The following AOPEP variants were observed in gnomAD, a reference collection of about 807,000 sequenced individuals.
The protein encoded by AOPEP is aminopeptidase O (putative).
In AOPEP, 77 loss-of-function variants were observed where a neutral mutation model predicts 98.1. The ratio of observed to expected loss-of-function variants is 0.78; its 90% CI spans 0.65 to 0.95. AOPEP has a LOEUF of 0.95. Ranked by LOEUF, AOPEP falls within the 40% of genes least tolerant of loss-of-function variation. The pLI, the probability that AOPEP is intolerant of heterozygous loss-of-function variation, is 0.00. For missense variants in AOPEP, 1,024 were observed against 1,024.7 expected, an observed-to-expected ratio of 1.00 and a Z score of 0.01; for synonymous variants, 346 against 365.3, an observed-to-expected ratio of 0.95 and a Z score of 0.60.
At chr9:95,021,036 T>TA (rs1327260216) in intron 13 of AOPEP, among the ~76,000 whole-genome samples, 1 of 151,932 alleles carries the variant, frequency 6.6e-6, no homozygotes, top group Admixed American at 6.6e-5. Flanking sequence ...TATTTGTAAA[T>TA]ATATATGTTA....
At chr9:94,892,299 A>G (rs991148924) in intron 5 of AOPEP, among the ~76,000 whole-genome samples, 5 of 152,030 alleles carry the variant, frequency 3.3e-5, no homozygotes, top group African/African-American at 1.2e-4. Flanking sequence ...ATGAATTTAG[A>G]TCTTTTATTA....
chr9:95,081,812 A>G lies in AOPEP; in HGVS notation c.2320-763A>G, dbSNP rs534497735. Among the ~76,000 whole-genome samples the G allele has an allele frequency of 3.9e-5, 6 of 152,198 alleles. No homozygotes were observed. In the East Asian group the frequency reaches 1.2e-3, roughly 29 times the overall value. ...AGCACTTTTGAACCCTTAACTACGAAGTTTTGCTCTTGCGATGTCTTTGAG... is the reference window on the plus strand; with the variant it reads ...AGCACTTTTGAACCCTTAACTACGAGGTTTTGCTCTTGCGATGTCTTTGAG... On this transcript the variant is annotated intron_variant, in intron 15 of 16. Coordinates refer to ENST00000375315, the MANE Select transcript of AOPEP (RefSeq NM_001193329.3).
intron 10 of AOPEP, among the ~76,000 whole-genome samples, chr9:94,973,877 A>G (rs2059679899): frequency 6.6e-6 from 1 of 152,246 alleles, no homozygotes; most frequent in Admixed American, 6.5e-5. Context: ...TTTAAGCCAC[A>G]TGACCTCAGA....
chr9:94,764,334 G>A (rs1431784241), intron 2 of AOPEP, among the ~76,000 whole-genome samples: 2 of 152,148 alleles, frequency 1.3e-5, no homozygotes, highest in Non-Finnish European at 2.9e-5. Context: ...AGCCTGAGGA[G>A]ACATGATGAT....
chr9:95,071,465 T>C (rs1477484877), intron 14 of AOPEP, among the ~76,000 whole-genome samples: 2 of 152,160 alleles, frequency 1.3e-5, no homozygotes, highest in Non-Finnish European at 2.9e-5. Context: ...TGTATAGTCA[T>C]CTGCTTATAA....
chr9:94,842,890 A>G lies in AOPEP; in HGVS notation c.1364+41888A>G, dbSNP rs140262134. Among the ~76,000 whole-genome samples the G allele has an allele frequency of 3.2e-3, 488 of 152,272 alleles. 2 individuals are homozygous for G. The highest frequency in any genetic ancestry group is 6.8e-3 in the Middle Eastern group (2 of 294). ...ATCATTCAAATTATTCTTCCCTTAT[A>G]AGTAGTAGAAGGATTTCTGTGACTG... On this transcript the variant is annotated intron_variant, in intron 5 of 16. Coordinates refer to ENST00000375315, the MANE Select transcript of AOPEP (RefSeq NM_001193329.3).
At chr9:94,770,041 T>C (rs1378732861) in intron 2 of AOPEP, among the ~76,000 whole-genome samples, 1 of 152,222 alleles carries the variant, frequency 6.6e-6, no homozygotes, top group Admixed American at 6.5e-5. Flanking sequence ...CAAATCATCA[T>C]TTTCACATTT....
intron 9 of AOPEP, among the ~76,000 whole-genome samples, chr9:94,964,033 G>A (rs1201623505): frequency 1.3e-5 from 2 of 152,202 alleles, no homozygotes; most frequent in East Asian, 1.9e-4. Context: ...TTGATAGATG[G>A]TACAGAGACT....
the AOPEP span, chr9:95,107,233 T>C: frequency 6.2e-7 from 1 of 1,614,002 alleles, no homozygotes; most frequent in Non-Finnish European, 8.5e-7. Context: ...CTTCTGGACA[T>C]TGCCAGGAGG....
chr9:94,943,221 A>G (rs1464238333), intron 7 of AOPEP, among the ~76,000 whole-genome samples: 2 of 152,238 alleles, frequency 1.3e-5, no homozygotes, highest in Non-Finnish European at 2.9e-5. Context: ...CAAATCATAT[A>G]TCTGTTAAGG....
intron 5 of AOPEP, among the ~76,000 whole-genome samples, chr9:94,849,607 G>A (rs2043290332): frequency 6.6e-6 from 1 of 151,558 alleles, no homozygotes; most frequent in South Asian, 2.1e-4. Flanking sequence ...TTTTTCCACG[G>A]GGGTGGGGAG....
intron 2 of AOPEP, among the ~76,000 whole-genome samples, chr9:94,766,354 A>C (rs374708): frequency 0.22 from 33,115 of 152,010 alleles, 5,080 homozygotes; most frequent in African/African-American, 0.43. Context: ...CTGGCTGATG[A>C]GGTGAAACCC....
chr9:95,140,503 A>AGAAT, the AOPEP span, among the ~76,000 whole-genome samples: 2 of 152,168 alleles, frequency 1.3e-5, no homozygotes, highest in Non-Finnish European at 2.9e-5. Context: ...AAACAAAACC[A>AGAAT]GAATGCAGAA....
rs1453539689 is a variant in AOPEP at position 95,044,523 on chromosome 9, G to A, written c.2116-16171G>A. Among the ~76,000 whole-genome samples the A allele has an allele frequency of 2.6e-5, 4 of 152,190 alleles. No homozygotes were observed. The East Asian group carries it at 7.7e-4, about 29-fold the overall frequency. On this transcript the variant is annotated intron_variant, in intron 13 of 16. Coordinates refer to ENST00000375315, the MANE Select transcript of AOPEP (RefSeq NM_001193329.3). ...CGTAACAGCCCACGTGAAAATGAAT[G>A]AGAGTAAAACCCATGAAGCAAATTC... is the stretch of plus-strand genomic sequence containing the variant.
At chr9:95,009,232 G>A (rs555337124) in intron 13 of AOPEP, among the ~76,000 whole-genome samples, 6 of 151,876 alleles carry the variant, frequency 4.0e-5, no homozygotes, top group African/African-American at 1.4e-4. Context: ...ACCTTCGTTA[G>A]CTGATTCAAA....
intron 14 of AOPEP, among the ~76,000 whole-genome samples, chr9:95,070,051 A>G (rs1175650139): frequency 6.6e-6 from 1 of 152,248 alleles, no homozygotes; most frequent in African/African-American, 2.4e-5. Flanking sequence ...GAATGAAAAC[A>G]CAAATGTGGA....
At chr9:94,734,396 G>C (rs1831270387) in intron 1 of AOPEP, among the ~76,000 whole-genome samples, 1 of 152,192 alleles carries the variant, frequency 6.6e-6, no homozygotes, top group Non-Finnish European at 1.5e-5. Context: ...CCAGCAATTG[G>C]GGGAGGGATA....
intron 13 of AOPEP, among the ~76,000 whole-genome samples, chr9:95,022,444 TCTC>T (rs1190150949): frequency 6.6e-6 from 1 of 152,146 alleles, no homozygotes; most frequent in Non-Finnish European, 1.5e-5. Context: ...TTCAAGCGAT[TCTC>T]CTGCCTCAGC....
chr9:94,861,465 G>A (rs2044980110), intron 5 of AOPEP, among the ~76,000 whole-genome samples: 1 of 152,090 alleles, frequency 6.6e-6, no homozygotes, highest in Admixed American at 6.5e-5. Flanking sequence ...TGAGTATCAG[G>A]GATGGGTCAT....
Sources: gnomAD v4.1 joint callset for allele counts (sites outside exome capture counted in the v4.1 genomes callset) on GRCh38, gnomAD v4.1.1 for gene constraint, MANE v1.5 for transcripts, NCBI Gene and HGNC (gene_info 2026-07-23, HGNC 2026-07-21) for gene names.